The following LRRC4C variants were observed in gnomAD, a reference collection of about 807,000 sequenced individuals.
The protein encoded by LRRC4C is leucine-rich repeat-containing protein 4C.
LRRC4C carries 5 observed loss-of-function variants against 33.6 expected under a neutral mutation model. That is an observed-to-expected ratio of 0.15 (90% CI 0.08 to 0.31). The LOEUF is 0.31. LRRC4C is among the 10% of genes least tolerant of loss of function. LRRC4C has a pLI of 1.00. For missense variants in LRRC4C, 560 were observed against 796.7 expected, an observed-to-expected ratio of 0.70 and a Z score of 3.58; for synonymous variants, 329 against 302.0, an observed-to-expected ratio of 1.09 and a Z score of -0.93.
chr11:40,731,543 G>T (rs1188690707), intron 2 of LRRC4C, among the ~76,000 whole-genome samples: 1 of 152,058 alleles, frequency 6.6e-6, no homozygotes, highest in Non-Finnish European at 1.5e-5. Context: ...CCCAGTCTCA[G>T]GTATTTCTTT....
chr11:40,970,919 G>A (rs1018909713), intron 1 of LRRC4C, among the ~76,000 whole-genome samples: 2 of 152,184 alleles, frequency 1.3e-5, no homozygotes, highest in African/African-American at 4.8e-5. Flanking sequence ...AGGGTATCCG[G>A]TGGAAGAAAT....
intron 3 of LRRC4C, among the ~76,000 whole-genome samples, chr11:40,511,537 A>C (rs1955315880): frequency 6.6e-6 from 1 of 152,180 alleles, no homozygotes; most frequent in South Asian, 2.1e-4. Context: ...CACAGAACAC[A>C]TTATGAATTC....
At chr11:41,332,562 A>G (rs1002598179) in intron 1 of LRRC4C, among the ~76,000 whole-genome samples, 14 of 152,232 alleles carry the variant, frequency 9.2e-5, no homozygotes, top group Non-Finnish European at 1.9e-4. Context: ...TCAGACTAAA[A>G]TACACTAAAC....
At chr11:40,829,636 C>T (rs1479065584) in intron 2 of LRRC4C, among the ~76,000 whole-genome samples, 3 of 151,918 alleles carry the variant, frequency 2.0e-5, no homozygotes, top group Non-Finnish European at 2.9e-5. Context: ...TGAACAATAT[C>T]GTCCAAATCG....
chr11:41,139,297 A>G (rs993303028), intron 1 of LRRC4C, among the ~76,000 whole-genome samples: 2 of 152,224 alleles, frequency 1.3e-5, no homozygotes, highest in African/African-American at 4.8e-5. Context: ...TGTCTATTTT[A>G]TCAATCAAGC....
At chr11:41,115,724 G>C (rs1281610124) in intron 1 of LRRC4C, among the ~76,000 whole-genome samples, 1 of 152,046 alleles carries the variant, frequency 6.6e-6, no homozygotes, top group Non-Finnish European at 1.5e-5. Flanking sequence ...TCATTTCTAA[G>C]TTCTCTAAAG....
chr11:40,180,189 A>C (rs1860868951), intron 5 of LRRC4C, among the ~76,000 whole-genome samples: 2 of 152,266 alleles, frequency 1.3e-5, no homozygotes, highest in African/African-American at 2.4e-5. Flanking sequence ...TCCAAATAAC[A>C]TAATTATCAA....
chr11:41,018,071 CA>C (rs11297564), intron 1 of LRRC4C, among the ~76,000 whole-genome samples: 84,120 of 151,662 alleles, frequency 0.55, 23,749 homozygotes, highest in South Asian at 0.64. Flanking sequence ...TTCCATGGAC[CA>C]GGGGCAATAA....
chr11:40,606,842 C>A (rs1029989063), intron 3 of LRRC4C, among the ~76,000 whole-genome samples: 1 of 151,916 alleles, frequency 6.6e-6, no homozygotes, highest in African/African-American at 2.4e-5. Flanking sequence ...AAATAAACAT[C>A]CAGATTCATA....
intron 4 of LRRC4C, among the ~76,000 whole-genome samples, chr11:40,272,559 CT>C (rs1237391293): frequency 6.6e-6 from 1 of 151,870 alleles, no homozygotes; most frequent in African/African-American, 2.4e-5. Context: ...TTTCCGGCAA[CT>C]TTTTGTTAGT....
chr11:40,696,887 T>C (rs943726880), intron 2 of LRRC4C, among the ~76,000 whole-genome samples: 2 of 150,280 alleles, frequency 1.3e-5, no homozygotes, highest in Non-Finnish European at 3.0e-5. Flanking sequence ...GAGTATTATA[T>C]GTATATGAAT....
rs372424251 is a variant in LRRC4C at position 40,133,077 on chromosome 11, T to A, written c.-43+7724A>T. Among the ~76,000 whole-genome samples, 79 of 152,330 alleles carry A rather than the reference T, an allele frequency of 5.2e-4. 2 individuals carry two copies. The South Asian group carries it at 0.016, about 31-fold the overall frequency. On this transcript the variant is annotated intron_variant, in intron 6 of 6. Transcript: ENST00000528697. ...CAGTCAGAGAAGGATGTGATTTCAG[T>A]AAGTTGGTAATGCGGTTAATAGCCT...
chr11:40,204,218 C>T (rs1178125740), intron 5 of LRRC4C, among the ~76,000 whole-genome samples: 1 of 152,028 alleles, frequency 6.6e-6, no homozygotes, highest in Non-Finnish European at 1.5e-5. Flanking sequence ...GATGTGAGTC[C>T]CCTGCTAGTC....
At chr11:41,405,572 A>G (rs1954201935) in intron 1 of LRRC4C, among the ~76,000 whole-genome samples, 1 of 152,144 alleles carries the variant, frequency 6.6e-6, no homozygotes, top group Admixed American at 6.5e-5. Context: ...AGGAGAAGAA[A>G]CTAAAGGATA....
At chr11:40,189,362 T>C (rs529745200) in intron 5 of LRRC4C, among the ~76,000 whole-genome samples, 7 of 152,260 alleles carry the variant, frequency 4.6e-5, no homozygotes, top group African/African-American at 1.7e-4. Context: ...GGGTAAACCA[T>C]TGTGTTGTGT....
At chr11:41,443,677 G>A (rs1010348488) in intron 1 of LRRC4C, among the ~76,000 whole-genome samples, 4 of 149,444 alleles carry the variant, frequency 2.7e-5, no homozygotes, top group Non-Finnish European at 3.0e-5. Flanking sequence ...GTGCAATGGT[G>A]CAATCTCAGC....
At chr11:41,452,900 T>C (rs1956070114) in intron 1 of LRRC4C, among the ~76,000 whole-genome samples, 1 of 152,138 alleles carries the variant, frequency 6.6e-6, no homozygotes, top group African/African-American at 2.4e-5. Context: ...ATAATTACTA[T>C]TACTACTAAT....
intron 1 of LRRC4C, among the ~76,000 whole-genome samples, chr11:41,408,887 A>G (rs574863196): frequency 6.6e-6 from 1 of 152,258 alleles, no homozygotes; most frequent in East Asian, 1.9e-4. Context: ...ACTATGGTGA[A>G]GTTTTCTTCT....
At chr11:40,784,355 C>G (rs1451218836) in intron 2 of LRRC4C, among the ~76,000 whole-genome samples, 4 of 152,164 alleles carry the variant, frequency 2.6e-5, no homozygotes, top group African/African-American at 9.6e-5. Flanking sequence ...CATGCCTTCT[C>G]TAATAAAGTT....
Sources: allele counts gnomAD v4.1 joint callset (sites outside exome capture counted in the v4.1 genomes callset), GRCh38; gene constraint gnomAD v4.1.1; transcripts MANE v1.5; gene names NCBI Gene and HGNC (gene_info 2026-07-23, HGNC 2026-07-21).